ANKFY1: variants seen among roughly 807,000 people sequenced by gnomAD.
ANKFY1 encodes ankyrin repeat and FYVE domain-containing protein 1.
ANKFY1 carries 47 observed loss-of-function variants against 128.3 expected under a neutral mutation model. The ratio of observed to expected loss-of-function variants is 0.37; its 90% CI spans 0.29 to 0.47. The LOEUF (loss-of-function observed/expected upper bound fraction) is 0.47. ANKFY1 is among the 20% of genes least tolerant of loss of function. ANKFY1 has a pLI of 1.00. For missense variants in ANKFY1, 1,222 were observed against 1,510.6 expected (o/e 0.81, Z 3.17); for synonymous variants, 553 against 601.6 (o/e 0.92, Z 1.18).
chr17:4,233,084 C>T (rs933979591), intron 3 of ANKFY1, among the ~76,000 whole-genome samples: 6 of 152,068 alleles, frequency 3.9e-5, no homozygotes, highest in Non-Finnish European at 8.8e-5. Context: ...TGTATCGTCA[C>T]TGGCAAATGT....
chr17:4,234,307 A>T (rs1348352359), intron 3 of ANKFY1, among the ~76,000 whole-genome samples: 1 of 152,154 alleles, frequency 6.6e-6, no homozygotes, highest in Non-Finnish European at 1.5e-5. Flanking sequence ...TTAATACTAG[A>T]ATTAAATTAA....
At chr17:4,231,322 C>T (rs1408691814) in intron 3 of ANKFY1, among the ~76,000 whole-genome samples, 1 of 152,004 alleles carries the variant, frequency 6.6e-6, no homozygotes, top group African/African-American at 2.4e-5. Flanking sequence ...ACAGCAAGAG[C>T]CCATCTCTAT....
At chr17:4,187,496 C>T (rs1292374410) in intron 11 of ANKFY1, 8 of 379,362 alleles carry the variant, frequency 2.1e-5, no homozygotes, top group Non-Finnish European at 2.8e-5. Flanking sequence ...GGATAAAGCC[C>T]ACACAGCGGA....
chr17:4,217,085 C>T lies in ANKFY1; in HGVS notation c.356G>A (p.Arg119His), dbSNP rs201662928. 1.7e-3 allele frequency: 2,700 copies of T among 1,613,000 alleles called. 39 individuals are homozygous for T. Among genetic ancestry groups the T allele is most frequent in the Non-Finnish European group, 1.9e-4 (223 of 1,179,558 alleles). Residue 119 changes from arginine (R) to histidine (H), a missense_variant, in exon 4 of 25, where the codon CGC becomes CAC. By Grantham distance (29) the Arg-to-His change is conservative. Coordinates refer to ENST00000341657, the MANE Select transcript of ANKFY1 (RefSeq NM_001330063.2). ...CTCCAGCTCATCTGTATAGATCCAG[C>T]GAAGCATTGTCATCGTCACCTCAGG... is the stretch of plus-strand genomic sequence containing the variant. ...ANPEVTMTML[R>H]WIYTDELEFR...
chr17:4,245,098 C>T (rs1003515139), intron 1 of ANKFY1, among the ~76,000 whole-genome samples: 1 of 152,164 alleles, frequency 6.6e-6, no homozygotes, highest in Non-Finnish European at 1.5e-5. Flanking sequence ...TGTTGTCCAT[C>T]CCTTCTCTTA....
In ANKFY1 at chr17:4,197,465, T is replaced by C. The variant is rs1429119157; in HGVS notation, c.1011A>G (p.Lys337=). The change falls in exon 8 of 25, where the codon AAA becomes AAG. Residue 337 remains lysine, a synonymous_variant. Transcript: ENST00000341657. ...TCTCAGACATCACATCTGCTGAGTG[T>C]TTCTTTGAACTGTACAAGGCCACAA... ...LHLVALYSSK[K]HSADVMSEMA... The C allele has an allele frequency of 6.2e-7, 1 of 1,614,104 alleles. No individual in the cohort carries two copies. The highest frequency in any genetic ancestry group is 1.3e-5 in the African/African-American group (1 of 74,928).
At chr17:4,168,313 G>A (rs1484766408) in intron 24 of ANKFY1, 1 of 158,406 alleles carries the variant, frequency 6.3e-6, no homozygotes, top group African/African-American at 2.4e-5. Context: ...AATTAGCTGG[G>A]CGTGGTGGCG....
In ANKFY1 at chr17:4,243,763, G is replaced by A. The variant is rs868554064; in HGVS notation, c.11-1315C>T. ...TTCAGATGGAGGCATGCCATCTTCC[G>A]CAGGTGCGCTGGGGCAGGTTAAAAG... On this transcript the variant is annotated intron_variant, in intron 1 of 24. Transcript: ENST00000341657. 9.9e-5 allele frequency among the ~76,000 whole-genome samples: 15 copies of A among 152,272 alleles called. 1 individual carries two copies. In the Middle Eastern group the frequency reaches 0.014, roughly 138 times the overall value.
intron 16 of ANKFY1, chr17:4,180,156 G>A (rs1249807779): frequency 1.8e-5 from 7 of 397,024 alleles, no homozygotes; most frequent in East Asian, 1.5e-4. Context: ...AGCCGGATGC[G>A]GTGGCTCATG....
chr17:4,213,276 G>A (rs1287748783), intron 4 of ANKFY1, among the ~76,000 whole-genome samples: 1 of 151,406 alleles, frequency 6.6e-6, no homozygotes, highest in African/African-American at 2.4e-5. Flanking sequence ...TGCAACCTCC[G>A]CCTCCTGGGT....
At chr17:4,242,505 C>A in intron 1 of ANKFY1, 57 bp from the exon 2 acceptor site, 1 of 1,442,034 alleles carries the variant, frequency 6.9e-7, no homozygotes, top group Non-Finnish European at 9.2e-7. Flanking sequence ...AGGTGGCATT[C>A]ACTAATCCCT....
intron 7 of ANKFY1, 33 bp from the exon 8 acceptor site, chr17:4,197,610 G>C: frequency 1.4e-5 from 23 of 1,598,822 alleles, no homozygotes; most frequent in Non-Finnish European, 2.0e-5. Context: ...AACAGTGTCA[G>C]GGCAAAGTAT....
chr17:4,229,161 C>T (rs1280612882), intron 3 of ANKFY1, among the ~76,000 whole-genome samples: 1 of 152,192 alleles, frequency 6.6e-6, no homozygotes, highest in East Asian at 1.9e-4. Flanking sequence ...TGGTGGCTCA[C>T]ACCTGTGATC....
In ANKFY1 at chr17:4,172,695, T is replaced by A. The variant is rs1273191285; in HGVS notation, c.3015-15A>T. 6.2e-7 allele frequency: 1 copy of A among 1,613,366 alleles called. No individual in the cohort carries two copies. Among genetic ancestry groups the A allele is most frequent in the South Asian group, 1.1e-5 (1 of 91,008 alleles). On this transcript the variant is annotated splice_polypyrimidine_tract_variant and intron_variant, in intron 21 of 24. Coordinates refer to ENST00000341657, the MANE Select transcript of ANKFY1 (RefSeq NM_001330063.2). The stretch of plus-strand genomic sequence containing the variant: ...GTGACTGGCCTCTGATAAAACAAGT[T>A]GGAAAAGTTAGGAATGTATCTGCCA...
At chr17:4,228,461 G>A (rs2060462230) in intron 3 of ANKFY1, among the ~76,000 whole-genome samples, 1 of 151,502 alleles carries the variant, frequency 6.6e-6, no homozygotes, top group Admixed American at 6.6e-5. Context: ...CTGTCGTCCA[G>A]ACGGGAGTGC....
At chr17:4,188,216 C>T (rs550808410) in intron 11 of ANKFY1, 6 of 152,324 alleles carry the variant, frequency 3.9e-5, no homozygotes, top group African/African-American at 1.4e-4. Context: ...TCACTCTGGC[C>T]GGTGCGCACG....
In ANKFY1 at chr17:4,183,534, C is replaced by T. The variant is rs1245131832; in HGVS notation, c.1816G>A (p.Ala606Thr). The change falls in exon 14 of 25, where the codon GCC becomes ACC. Residue 606 changes from alanine (A) to threonine (T), a missense_variant. Coordinates refer to ENST00000341657, the MANE Select transcript of ANKFY1 (RefSeq NM_001330063.2). ...GCGGCTCCAGAGCCCAGCAGCTGGG[C>T]TGCGATCGTGTGCATGCCTGGGAAA... ...ALWTGMHTIA[A>T]QLLGSGAAIN... 7 of 1,612,474 alleles carry T rather than the reference C, an allele frequency of 4.3e-6. No individual in the cohort carries two copies. The highest frequency in any genetic ancestry group is 2.2e-5 in the East Asian group (1 of 44,884).
chr17:4,222,067 G>C (rs1336634775), intron 3 of ANKFY1: 12 of 152,012 alleles, frequency 7.9e-5, no homozygotes, highest in African/African-American at 2.6e-4. Flanking sequence ...GCCGCCCTAG[G>C]CTCAGGGCTG....
chr17:4,206,617 TC>T, intron 6 of ANKFY1, 131 bp from the exon 7 acceptor site: 1 of 765,518 alleles, frequency 1.3e-6, no homozygotes, highest in Admixed American at 2.9e-5. Flanking sequence ...CACTGCTTAC[TC>T]CCCAAATTCA....
Sources: allele counts gnomAD v4.1 joint callset (sites outside exome capture counted in the v4.1 genomes callset), GRCh38; gene constraint gnomAD v4.1.1; transcripts MANE v1.5; gene names NCBI Gene and HGNC (gene_info 2026-07-23, HGNC 2026-07-21).